Variants in ZNF562 observed in about 807,000 individuals in gnomAD.
ZNF562 encodes zinc finger protein 562.
ZNF562 carries 13 observed loss-of-function variants against 17.5 expected under a neutral mutation model. That is an observed-to-expected ratio of 0.74 (90% CI 0.48 to 1.18). The LOEUF (loss-of-function observed/expected upper bound fraction) is 1.18. ZNF562 is among the 50% of genes most tolerant of loss of function. ZNF562 has a pLI of 0.00. For synonymous variants in ZNF562, 163 were observed against 165.4 expected (o/e 0.99, Z 0.11); for missense variants, 481 against 498.5 (o/e 0.96, Z 0.33).
rs776591177 is a variant in ZNF562 at position 9,653,505 on chromosome 19, G to A, written c.725C>T (p.Thr242Ile). Residue 242 changes from threonine to isoleucine, a missense_variant, in exon 6 of 6, where the codon ACA becomes ATA. Coordinates refer to ENST00000453372, the MANE Select transcript of ZNF562 (RefSeq NM_001130031.2). ...ACACTGCTTTAAGTGTGAGGAAGTT[G>A]TGATGGCTCTCTCACATTCCTGAAA... ...CEFQECERAITTSSHLKQCVA... is the reference protein window; with the variant it reads ...CEFQECERAIITSSHLKQCVA... The A allele has an allele frequency of 2.5e-6, 4 of 1,614,086 alleles. No individual in the cohort carries two copies. Among genetic ancestry groups the A allele is most frequent in the Admixed American group, 3.3e-5 (2 of 59,998 alleles).
intron 1 of ZNF562, among the ~76,000 whole-genome samples, chr19:9,671,027 A>G (rs2044179446): frequency 6.6e-6 from 1 of 151,520 alleles, no homozygotes; most frequent in Admixed American, 6.6e-5. Flanking sequence ...AGGTTGATTC[A>G]TCGGTAAAAT....
chr19:9,673,875 T>C (rs566296794), intron 1 of ZNF562, among the ~76,000 whole-genome samples: 1 of 152,082 alleles, frequency 6.6e-6, no homozygotes, highest in East Asian at 1.9e-4. Flanking sequence ...GGTGTGGTGG[T>C]GCACGCCTGG....
At chr19:9,664,122 G>A (rs1296433318) in intron 1 of ZNF562, among the ~76,000 whole-genome samples, 2 of 152,076 alleles carry the variant, frequency 1.3e-5, no homozygotes, top group African/African-American at 2.4e-5. Flanking sequence ...AGCCAGGAGT[G>A]CAATGGCACA....
In ZNF562 at chr19:9,660,833, C is replaced by A; in HGVS notation, c.-89G>T. On this transcript the variant is annotated 5_prime_UTR_variant, in exon 2 of 6. Transcript: ENST00000453372. ...GGCAGCTTATGAATCTAGGTGGATA[C>A]AGGCAATCTCCATTCCCCTTTGTAC... 1 of 1,368,604 alleles carries A rather than the reference C, an allele frequency of 7.3e-7. No homozygotes were observed. The highest frequency in any genetic ancestry group is 1.8e-5 in the Admixed American group (1 of 54,848). 84.8% of individuals were successfully genotyped at this position (1,368,604 alleles called of 1,614,324 possible).
At chr19:9,660,987 A>G (rs569008643) in intron 1 of ZNF562, 113 bp from the exon 2 acceptor site, 25 of 397,546 alleles carry the variant, frequency 6.3e-5, no homozygotes, top group African/African-American at 5.1e-4. Context: ...CTGTATACTC[A>G]GTATCGTCAC....
At chr19:9,654,326 T>C (rs2043378776) in intron 5 of ZNF562, among the ~76,000 whole-genome samples, 1 of 152,140 alleles carries the variant, frequency 6.6e-6, no homozygotes, top group South Asian at 2.1e-4. Flanking sequence ...TTTTGCTCCA[T>C]TGCCTGGTCT....
chr19:9,657,391 C>T (rs1427796474), intron 4 of ZNF562, among the ~76,000 whole-genome samples: 7 of 88,138 alleles, frequency 7.9e-5, no homozygotes, highest in African/African-American at 2.4e-4. Flanking sequence ...GAGACTCCCT[C>T]AAAAAAAAAA....
At chr19:9,668,667 C>G (rs2044039016) in intron 1 of ZNF562, among the ~76,000 whole-genome samples, 2 of 151,844 alleles carry the variant, frequency 1.3e-5, no homozygotes, top group South Asian at 4.1e-4. Context: ...AAATACTGAA[C>G]AAAAAGAACA....
At chr19:9,666,597 A>AAAGTTGATTACTTGAAAC (rs1424819535) in intron 1 of ZNF562, among the ~76,000 whole-genome samples, 3 of 152,118 alleles carry the variant, frequency 2.0e-5, no homozygotes, top group Non-Finnish European at 4.4e-5. Flanking sequence ...GAAGATCAAT[A>AAAGTTGATTACTTGAAAC]AAACATAAAG....
At chr19:9,660,609 A>AC (rs2043699321) in intron 2 of ZNF562, 111 bp downstream of exon 2, 1 of 1,088,118 alleles carries the variant, frequency 9.2e-7, no homozygotes, top group East Asian at 2.5e-5. Flanking sequence ...TCCATCTAAA[A>AC]GAAAAAAAAA....
At chr19:9,670,061 C>CA (rs2044128077) in intron 1 of ZNF562, among the ~76,000 whole-genome samples, 1 of 151,702 alleles carries the variant, frequency 6.6e-6, no homozygotes, top group African/African-American at 2.4e-5. Context: ...GACTCTGTCT[C>CA]AAAAAATCAA....
At chr19:9,654,228 T>C (rs1360426301) in intron 5 of ZNF562, among the ~76,000 whole-genome samples, 1 of 152,002 alleles carries the variant, frequency 6.6e-6, no homozygotes, top group Non-Finnish European at 1.5e-5. Flanking sequence ...TGAGTTCAGG[T>C]GAACTGCCTG....
chr19:9,673,339 T>C (rs982050037), intron 1 of ZNF562, among the ~76,000 whole-genome samples: 1 of 152,170 alleles, frequency 6.6e-6, no homozygotes, highest in South Asian at 2.1e-4. Context: ...CACCCTTCTA[T>C]AGAAATAAAT....
chr19:9,669,267 A>AT (rs1281699200), intron 1 of ZNF562, among the ~76,000 whole-genome samples: 6 of 152,206 alleles, frequency 3.9e-5, no homozygotes, highest in African/African-American at 1.4e-4. Context: ...AACAAAAAAA[A>AT]TCCGATAAAA....
intron 1 of ZNF562, among the ~76,000 whole-genome samples, chr19:9,671,556 A>G (rs570068501): frequency 1.3e-5 from 2 of 152,336 alleles, no homozygotes; most frequent in African/African-American, 4.8e-5. Context: ...GGCAACACAT[A>G]CATTTGCATG....
rs893961385 is a variant in ZNF562, at chr19:9,643,583, T to C, written c.*9366A>G. ...TTCCTTCCTAGCTTCCTTTTTTCCT[T>C]CTTTTTTTTTTTTTTTTAAATGGAG... is the stretch of plus-strand genomic sequence containing the variant. On this transcript the variant is annotated 3_prime_UTR_variant, in exon 6 of 6. Coordinates refer to ENST00000453372, the MANE Select transcript of ZNF562 (RefSeq NM_001130031.2). The C allele has an allele frequency of 1.3e-5, 2 of 150,138 alleles. No individual in the cohort carries two copies. The highest frequency in any genetic ancestry group is 2.5e-5 in the African/African-American group (1 of 40,476). 9.3% of individuals were successfully genotyped at this position (150,138 alleles called of 1,614,324 possible).
chr19:9,658,127 C>T lies in ZNF562; in HGVS notation c.123G>A (p.Val41=). ...ACTCCACAGCCACATCATCAAACGT[C>T]ACTGAATCCTAAGTCATCAAACACA... ...DHRSNSYQDS[V]TFDDVAVEFT... Residue 41 remains valine (V), a synonymous_variant, in exon 4 of 6, where the codon GTG becomes GTA. Coordinates refer to ENST00000453372, the MANE Select transcript of ZNF562 (RefSeq NM_001130031.2). 2 of 1,613,120 alleles carry T rather than the reference C, an allele frequency of 1.2e-6. No individual in the cohort carries two copies. Among genetic ancestry groups the T allele is most frequent in the Non-Finnish European group, 1.7e-6 (2 of 1,179,492 alleles).
chr19:9,659,964 A>C (rs1285957509), intron 2 of ZNF562, among the ~76,000 whole-genome samples: 3 of 131,046 alleles, frequency 2.3e-5, no homozygotes, highest in South Asian at 2.4e-4. Context: ...AAAAAAAAAA[A>C]AAAAAAAAAA....
intron 2 of ZNF562, among the ~76,000 whole-genome samples, chr19:9,660,516 G>A (rs766204667): frequency 6.6e-6 from 1 of 151,632 alleles, no homozygotes; most frequent in African/African-American, 2.4e-5. Context: ...TGAGGCAGGA[G>A]AATTGTTTGA....
Sources: allele counts gnomAD v4.1 joint callset (sites outside exome capture counted in the v4.1 genomes callset), GRCh38; gene constraint gnomAD v4.1.1; transcripts MANE v1.5; gene names NCBI Gene and HGNC (gene_info 2026-07-23, HGNC 2026-07-21).